KANSL1L: variants seen among roughly 807,000 people sequenced by gnomAD.
The protein encoded by KANSL1L is KAT8 regulatory NSL complex subunit 1-like protein.
KANSL1L carries 25 observed loss-of-function variants against 108.6 expected under a neutral mutation model. That is an observed-to-expected ratio of 0.23 (90% CI 0.17 to 0.32). The LOEUF (loss-of-function observed/expected upper bound fraction) is 0.32. Among genes scored for constraint, KANSL1L ranks in the 10% least tolerant of loss-of-function variants. The pLI, the probability that KANSL1L is intolerant of heterozygous loss-of-function variation, is 1.00. For synonymous variants in KANSL1L, 405 were observed against 395.1 expected (o/e 1.03, Z -0.30); for missense variants, 1,137 against 1,125.7 (o/e 1.01, Z -0.14).
chr2:210,161,243 C>T (rs1181749639), intron 1 of KANSL1L, among the ~76,000 whole-genome samples: 1 of 152,120 alleles, frequency 6.6e-6, no homozygotes, highest in Non-Finnish European at 1.5e-5. Context: ...CTACCTCAGC[C>T]TCCCAAAGTG....
intron 8 of KANSL1L, among the ~76,000 whole-genome samples, chr2:210,034,709 A>G (rs2125155028): frequency 6.6e-6 from 1 of 152,332 alleles, no homozygotes; most frequent in South Asian, 2.1e-4. Context: ...ACTCAAACAC[A>G]TAAGATCATA....
intron 5 of KANSL1L, among the ~76,000 whole-genome samples, chr2:210,091,156 T>A (rs2094689944): frequency 6.6e-6 from 1 of 152,198 alleles, no homozygotes; most frequent in Non-Finnish European, 1.5e-5. Flanking sequence ...TCAGTACCCA[T>A]CACCAAATTT....
At chr2:210,100,297 A>G (rs1312362171) in intron 4 of KANSL1L, among the ~76,000 whole-genome samples, 3 of 152,124 alleles carry the variant, frequency 2.0e-5, no homozygotes, top group African/African-American at 4.8e-5. Flanking sequence ...CTGCGGAAAA[A>G]TTGTCTTCTA....
intron 5 of KANSL1L, among the ~76,000 whole-genome samples, chr2:210,077,258 C>T (rs1421078730): frequency 6.6e-6 from 1 of 151,986 alleles, no homozygotes; most frequent in Non-Finnish European, 1.5e-5. Flanking sequence ...ACAACTACCT[C>T]ACTTTTAAAA....
chr2:210,081,658 G>C (rs1236526135), intron 5 of KANSL1L, among the ~76,000 whole-genome samples: 4 of 152,174 alleles, frequency 2.6e-5, no homozygotes. Context: ...ACATATAGCA[G>C]ATACACCATG....
At chr2:210,112,805 T>C (rs1488401083) in intron 3 of KANSL1L, among the ~76,000 whole-genome samples, 5 of 152,136 alleles carry the variant, frequency 3.3e-5, no homozygotes, top group African/African-American at 1.2e-4. Context: ...AGACACCACC[T>C]GCATTGGCAG....
chr2:210,082,115 TACAG>T (rs1184258923), intron 5 of KANSL1L, among the ~76,000 whole-genome samples: 1 of 152,140 alleles, frequency 6.6e-6, no homozygotes, highest in Admixed American at 6.5e-5. Context: ...TTATGTTCCA[TACAG>T]ACAGAGTCTC....
At chr2:210,057,728 A>G (rs1035701358) in intron 6 of KANSL1L, among the ~76,000 whole-genome samples, 1 of 152,164 alleles carries the variant, frequency 6.6e-6, no homozygotes, top group Non-Finnish European at 1.5e-5. Context: ...TAGTTCCCCA[A>G]ATTAATACTT....
intron 1 of KANSL1L, among the ~76,000 whole-genome samples, chr2:210,166,351 T>A (rs1409737107): frequency 6.6e-6 from 1 of 152,138 alleles, no homozygotes; most frequent in Non-Finnish European, 1.5e-5. Context: ...CAGTTAATAA[T>A]CAGACCTTTA....
intron 3 of KANSL1L, among the ~76,000 whole-genome samples, chr2:210,121,765 C>T (rs554266040): frequency 7.9e-5 from 12 of 152,182 alleles, no homozygotes; most frequent in East Asian, 3.9e-4. Flanking sequence ...CTTGTTTGCA[C>T]GTGATATGAT....
chr2:210,023,019 T>C lies in KANSL1L; in HGVS notation c.2894A>G (p.Lys965Arg). The C allele has an allele frequency of 2.5e-6, 4 of 1,613,848 alleles. No homozygotes were observed. Among genetic ancestry groups the C allele is most frequent in the East Asian group, 2.2e-5 (1 of 44,850 alleles). Residue 965 changes from lysine to arginine, a missense_variant, in exon 15 of 15, where the codon AAG becomes AGG. Physicochemically the swap from Lys to Arg is conservative, Grantham distance 26 (BLOSUM62 2). This residue lies in a region of KANSL1L where 575 missense variants were observed against 567.1 expected (regional missense o/e 1.01). Transcript: ENST00000281772. ...SVPENGHHPK[K>R]QSDGMEEYKT... ...GTATTCTTCCATTCCATCTGACTGC[T>C]TTTTTGGATGGTGGCCATTCTCTGG...
intron 12 of KANSL1L, 36 bp downstream of exon 12, chr2:210,027,260 A>G: frequency 7.3e-7 from 1 of 1,362,500 alleles, no homozygotes; most frequent in Non-Finnish European, 1.1e-6. Context: ...ATAATACATA[A>G]TGTGCAATTA....
At chr2:210,146,097 A>C (rs570372150) in intron 2 of KANSL1L, among the ~76,000 whole-genome samples, 116 of 152,138 alleles carry the variant, frequency 7.6e-4, no homozygotes, top group Admixed American at 1.1e-3. Context: ...TGTTGTGGTC[A>C]GTGGTGACTA....
intron 4 of KANSL1L, among the ~76,000 whole-genome samples, chr2:210,102,246 A>G (rs2094800803): frequency 6.6e-6 from 1 of 152,128 alleles, no homozygotes; most frequent in Admixed American, 6.6e-5. Context: ...TTGGCTTAGG[A>G]CTGTCTTGGC....
chr2:210,092,522 T>G (rs554142745), intron 5 of KANSL1L, among the ~76,000 whole-genome samples: 2 of 152,348 alleles, frequency 1.3e-5, no homozygotes, highest in African/African-American at 4.8e-5. Flanking sequence ...CTTATGTAAC[T>G]TGATATAGTT....
chr2:210,063,558 G>A (rs1391584682), intron 6 of KANSL1L, among the ~76,000 whole-genome samples: 2 of 152,234 alleles, frequency 1.3e-5, no homozygotes, highest in Non-Finnish European at 2.9e-5. Context: ...CCAAGGCCAT[G>A]GGAGCCCACC....
chr2:210,120,494 T>C, intron 3 of KANSL1L, among the ~76,000 whole-genome samples: 1 of 152,104 alleles, frequency 6.6e-6, no homozygotes, highest in Non-Finnish European at 1.5e-5. Context: ...CAAAAATTAA[T>C]TCAAGATGGA....
intron 1 of KANSL1L, among the ~76,000 whole-genome samples, chr2:210,168,767 C>T (rs1688143183): frequency 6.6e-6 from 1 of 152,004 alleles, no homozygotes; most frequent in South Asian, 2.1e-4. Context: ...ATGAATCCAA[C>T]AATAATAGTA....
intron 2 of KANSL1L, among the ~76,000 whole-genome samples, chr2:210,142,483 T>C (rs1395913058): frequency 6.6e-6 from 1 of 152,120 alleles, no homozygotes; most frequent in African/African-American, 2.4e-5. Flanking sequence ...TTTTCTAATA[T>C]CTTCTGCTTT....
Sources: allele counts gnomAD v4.1 joint callset (sites outside exome capture counted in the v4.1 genomes callset), GRCh38; gene constraint gnomAD v4.1.1; regional missense constraint gnomAD v4.1.1; transcripts MANE v1.5; gene names NCBI Gene and HGNC (gene_info 2026-07-23, HGNC 2026-07-21).